GTF2F2: variants seen among roughly 807,000 people sequenced by gnomAD.
GTF2F2 encodes the protein general transcription factor IIF subunit 2, also known as ATP-dependent helicase GTF2F2.
GTF2F2 carries 23 observed loss-of-function variants against 42.2 expected under a neutral mutation model. That is an observed-to-expected ratio of 0.55 (90% CI 0.39 to 0.77). The LOEUF (loss-of-function observed/expected upper bound fraction) is 0.77, where lower values mean the gene tolerates loss of function less well. GTF2F2 is among the 30% of genes least tolerant of loss of function. The pLI is 0.00. For synonymous variants in GTF2F2, 105 were observed against 100.8 expected, an observed-to-expected ratio of 1.04 and a Z score of -0.25; for missense variants, 261 against 287.2, an observed-to-expected ratio of 0.91 and a Z score of 0.66.
At chr13:45,190,389 C>G (rs1872572186) in intron 4 of GTF2F2, among the ~76,000 whole-genome samples, 1 of 152,158 alleles carries the variant, frequency 6.6e-6, no homozygotes, top group Admixed American at 6.5e-5. Flanking sequence ...TCAACACCTA[C>G]CTTGTGAATG....
chr13:45,200,184 C>G (rs573450157), intron 4 of GTF2F2, among the ~76,000 whole-genome samples: 1 of 151,984 alleles, frequency 6.6e-6, no homozygotes, highest in African/African-American at 2.4e-5. Flanking sequence ...GAGCTATTCC[C>G]TCCGTATCAC....
chr13:45,203,294 G>A (rs1873285176), intron 4 of GTF2F2, among the ~76,000 whole-genome samples: 1 of 149,536 alleles, frequency 6.7e-6, no homozygotes, highest in Admixed American at 6.7e-5. Context: ...TGTGTTGCCT[G>A]GGCTAGTCTC....
At position 45,252,964 on chromosome 13, in the gene GTF2F2, A is replaced by G. The variant is rs762311225; in HGVS notation, c.480A>G (p.Gln160=). The G allele has an allele frequency of 4.6e-6, 6 of 1,309,062 alleles. No homozygotes were observed. In the South Asian group the frequency reaches 8.8e-5, roughly 19 times the overall value. 81.1% of individuals were successfully genotyped at this position (1,309,062 alleles called of 1,614,324 possible). A position where few individuals can be genotyped will look rare whatever the true frequency, so the allele number is the denominator to read the frequency against. The change falls in exon 6 of 8, where the codon CAA becomes CAG. Residue 160 remains glutamine, a synonymous_variant. Coordinates refer to ENST00000340473, the MANE Select transcript of GTF2F2 (RefSeq NM_004128.3). ...ATTACAAACCTGTTGCTAATCATCA[A>G]TACAATGTAAGTCTTCTGCTTGTCT... ...TTNYKPVANH[Q]YNIEYERKKK...
At chr13:45,215,019 G>T (rs114588984) in intron 5 of GTF2F2, among the ~76,000 whole-genome samples, 1 of 152,058 alleles carries the variant, frequency 6.6e-6, no homozygotes, top group South Asian at 2.1e-4. Context: ...AGAAACACAG[G>T]TTCCCATATG....
In GTF2F2 at chr13:45,122,652, A is replaced by T. The variant is rs77705697; in HGVS notation, c.66+1931A>T. Among the ~76,000 whole-genome samples the T allele has an allele frequency of 1.1e-3, 170 of 152,046 alleles. 2 individuals are homozygous for T. The East Asian group carries it at 0.027, about 24-fold the overall frequency. On this transcript the variant is annotated intron_variant, in intron 1 of 7. Coordinates refer to ENST00000340473, the MANE Select transcript of GTF2F2 (RefSeq NM_004128.3). Reference sequence around the variant, plus strand: ...TCCTTCTCAAAAAAATAAATAAATTAAAAAAAAGTGTAATTTGTTGCTTAG... The same window carrying T: ...TCCTTCTCAAAAAAATAAATAAATTTAAAAAAAGTGTAATTTGTTGCTTAG...
chr13:45,230,561 C>G (rs1874623186), intron 5 of GTF2F2, among the ~76,000 whole-genome samples: 1 of 152,134 alleles, frequency 6.6e-6, no homozygotes, highest in Admixed American at 6.5e-5. Context: ...TACTACAAGT[C>G]AGAAAGTTGA....
intron 4 of GTF2F2, among the ~76,000 whole-genome samples, chr13:45,200,870 C>T (rs1014743885): frequency 6.6e-6 from 1 of 152,120 alleles, no homozygotes; most frequent in Non-Finnish European, 1.5e-5. Context: ...CAGAGAGTGT[C>T]GACACAGGTG....
At chr13:45,140,010 TA>T (rs1189386419) in intron 2 of GTF2F2, among the ~76,000 whole-genome samples, 2 of 152,214 alleles carry the variant, frequency 1.3e-5, no homozygotes, top group Non-Finnish European at 2.9e-5. Context: ...TAATACAGTG[TA>T]AAAACTATGT....
intron 4 of GTF2F2, among the ~76,000 whole-genome samples, chr13:45,187,784 G>A (rs915764046): frequency 3.3e-5 from 5 of 152,216 alleles, no homozygotes; most frequent in Non-Finnish European, 1.5e-5. Context: ...TGTTAGCAAG[G>A]ATAATTATGA....
Position 45,283,656 on chromosome 13 carries a change from G to A in GTF2F2, c.*95G>A. The A allele has an allele frequency of 1.0e-6, 1 of 983,130 alleles. No individual in the cohort carries two copies. The highest frequency in any genetic ancestry group is 2.8e-5 in the South Asian group (1 of 35,362). 60.9% of individuals were successfully genotyped at this position (983,130 alleles called of 1,614,324 possible). ...AGGCTTGAACACCGTATGTTAATAG[G>A]GGTTAAGTGACAGTACTTTGATTTC... On this transcript the variant is annotated 3_prime_UTR_variant, in exon 8 of 8. Coordinates refer to ENST00000340473, the MANE Select transcript of GTF2F2 (RefSeq NM_004128.3).
rs147004947 is a variant in GTF2F2, at chr13:45,194,472, G to A, written c.305-12952G>A. ...CACCAACGTTGAGGGTCATCAGTGTGGATTTGCAGTTCTTTCCTTGATCAG... is the reference window on the plus strand; with the variant it reads ...CACCAACGTTGAGGGTCATCAGTGTAGATTTGCAGTTCTTTCCTTGATCAG... On this transcript the variant is annotated intron_variant, in intron 4 of 7. Transcript: ENST00000340473. 4.1e-4 allele frequency: 660 copies of A among 1,614,104 alleles called. 6 individuals are homozygous for A. In the African/African-American group the frequency reaches 7.4e-3, roughly 18 times the overall value.
At chr13:45,148,062 T>G (rs528325277) in intron 2 of GTF2F2, among the ~76,000 whole-genome samples, 39 of 152,340 alleles carry the variant, frequency 2.6e-4, no homozygotes, top group African/African-American at 7.9e-4. Context: ...TACTGTACCA[T>G]GTACGTAGCA....
At chr13:45,216,424 TC>T (rs1442883887) in intron 5 of GTF2F2, among the ~76,000 whole-genome samples, 1 of 152,188 alleles carries the variant, frequency 6.6e-6, no homozygotes, top group African/African-American at 2.4e-5. Context: ...TCTCTTGTGT[TC>T]CGTGGTTAGT....
chr13:45,205,366 T>C (rs1029392772), intron 4 of GTF2F2, among the ~76,000 whole-genome samples: 1 of 152,142 alleles, frequency 6.6e-6, no homozygotes, highest in Non-Finnish European at 1.5e-5. Flanking sequence ...CATGATCCAG[T>C]CACTTCCCTC....
At chr13:45,193,739 C>T (rs754608643) in intron 4 of GTF2F2, 11 of 1,520,172 alleles carry the variant, frequency 7.2e-6, no homozygotes, top group South Asian at 3.9e-5. Context: ...TGTGGTTTTC[C>T]GAAGCTTGCT....
chr13:45,244,554 A>G (rs1370608006), intron 5 of GTF2F2, among the ~76,000 whole-genome samples: 1 of 152,220 alleles, frequency 6.6e-6, no homozygotes, highest in African/African-American at 2.4e-5. Flanking sequence ...TTTAGATAAT[A>G]ATAATAGAAA....
At chr13:45,191,368 C>T (rs974959972) in intron 4 of GTF2F2, among the ~76,000 whole-genome samples, 6 of 149,928 alleles carry the variant, frequency 4.0e-5, no homozygotes, top group African/African-American at 1.2e-4. Context: ...TTTTTTATTA[C>T]CTTTCTTTTG....
At chr13:45,161,687 C>T (rs745737100) in intron 4 of GTF2F2, among the ~76,000 whole-genome samples, 6 of 152,074 alleles carry the variant, frequency 3.9e-5, no homozygotes, top group Non-Finnish European at 7.4e-5. Flanking sequence ...ACCAAAAATA[C>T]AAAAAATTAG....
intron 4 of GTF2F2, among the ~76,000 whole-genome samples, chr13:45,171,090 T>TTTG (rs1871575308): frequency 6.9e-6 from 1 of 145,336 alleles, no homozygotes; most frequent in Non-Finnish European, 1.5e-5. Context: ...TTTTTTTTTT[T>TTTG]TTTTTGAGAC....
Sources: allele counts gnomAD v4.1 joint callset (sites outside exome capture counted in the v4.1 genomes callset), GRCh38; gene constraint gnomAD v4.1.1; transcripts MANE v1.5; gene names NCBI Gene and HGNC (gene_info 2026-07-23, HGNC 2026-07-21).